The following MAN2A1 variants were observed in gnomAD, a reference collection of about 807,000 sequenced individuals.
MAN2A1 encodes the protein alpha-mannosidase 2.
MAN2A1 carries 76 observed loss-of-function variants against 142.6 expected under a neutral mutation model. The ratio of observed to expected loss-of-function variants is 0.53; its 90% confidence interval spans 0.44 to 0.65. The LOEUF (loss-of-function observed/expected upper bound fraction) is 0.65. MAN2A1 is among the 30% of genes least tolerant of loss of function. The pLI is 0.00. For missense variants in MAN2A1, 1,311 were observed against 1,365.1 expected (o/e 0.96, Z 0.62); for synonymous variants, 559 against 473.2 (o/e 1.18, Z -2.35).
intron 1 of MAN2A1, among the ~76,000 whole-genome samples, chr5:109,696,149 G>A (rs1397378158): frequency 6.6e-6 from 1 of 151,788 alleles, no homozygotes; most frequent in Non-Finnish European, 1.5e-5. Context: ...TTGGCAGACT[G>A]GAGTGCAGTG....
At chr5:109,783,345 T>C (rs985254639) in intron 9 of MAN2A1, among the ~76,000 whole-genome samples, 1 of 152,170 alleles carries the variant, frequency 6.6e-6, no homozygotes, top group Non-Finnish European at 1.5e-5. Flanking sequence ...GTGGATAAAA[T>C]ATAAAAGTAT....
chr5:109,699,149 A>G (rs917255164), intron 1 of MAN2A1, among the ~76,000 whole-genome samples: 12 of 152,190 alleles, frequency 7.9e-5, no homozygotes, highest in Non-Finnish European at 1.6e-4. Context: ...TTAGGCCTAA[A>G]GTGACTCCCC....
At chr5:109,734,055 A>G (rs1366025459) in intron 4 of MAN2A1, among the ~76,000 whole-genome samples, 1 of 152,150 alleles carries the variant, frequency 6.6e-6, no homozygotes, top group African/African-American at 2.4e-5. Context: ...TTATTGGTCT[A>G]TTCAGAGATT....
chr5:109,782,790 G>T (rs115274030), intron 9 of MAN2A1, among the ~76,000 whole-genome samples: 2,309 of 151,898 alleles, frequency 0.015, 23 homozygotes, highest in Non-Finnish European at 0.024. Flanking sequence ...CATTATTATA[G>T]ATACATATTA....
intron 15 of MAN2A1, among the ~76,000 whole-genome samples, chr5:109,821,897 G>A (rs1370879281): frequency 6.6e-6 from 1 of 151,722 alleles, no homozygotes; most frequent in Middle Eastern, 3.2e-3. Context: ...AAATTTTTGT[G>A]TAGTCATTTC....
intron 7 of MAN2A1, among the ~76,000 whole-genome samples, chr5:109,774,508 C>T (rs1447206213): frequency 6.6e-6 from 1 of 151,986 alleles, no homozygotes; most frequent in Non-Finnish European, 1.5e-5. Context: ...CAAGTTGGTA[C>T]ATGACCATAT....
chr5:109,800,436 G>A (rs1205596588), intron 12 of MAN2A1, among the ~76,000 whole-genome samples: 1 of 152,182 alleles, frequency 6.6e-6, no homozygotes, highest in Non-Finnish European at 1.5e-5. Flanking sequence ...CCTACTGCCA[G>A]TAGCATTTGA....
intron 4 of MAN2A1, among the ~76,000 whole-genome samples, chr5:109,742,980 G>A (rs1248408946): frequency 2.6e-5 from 4 of 152,178 alleles, no homozygotes; most frequent in Non-Finnish European, 5.9e-5. Flanking sequence ...ATGGAGACCT[G>A]TAAAAGCCAT....
chr5:109,746,447 A>G (rs1489527984), intron 4 of MAN2A1, among the ~76,000 whole-genome samples: 2 of 152,186 alleles, frequency 1.3e-5, no homozygotes, highest in Admixed American at 6.5e-5. Flanking sequence ...CTCTTTTCAC[A>G]GGAGGTAACT....
chr5:109,757,956 T>A (rs1017691006), intron 5 of MAN2A1, among the ~76,000 whole-genome samples: 2 of 152,156 alleles, frequency 1.3e-5, no homozygotes, highest in South Asian at 4.1e-4. Context: ...GATGGGCACT[T>A]AGGTTGTATT....
At chr5:109,715,883 T>A (rs987335880) in intron 2 of MAN2A1, among the ~76,000 whole-genome samples, 1 of 152,122 alleles carries the variant, frequency 6.6e-6, no homozygotes, top group African/African-American at 2.4e-5. Context: ...CTTTTTTTTT[T>A]ATTAGAAGCG....
At chr5:109,816,545 A>G (rs1754466201) in intron 12 of MAN2A1, among the ~76,000 whole-genome samples, 1 of 152,148 alleles carries the variant, frequency 6.6e-6, no homozygotes, top group African/African-American at 2.4e-5. Flanking sequence ...ATAAAGTCCC[A>G]TTGTATATAA....
intron 5 of MAN2A1, among the ~76,000 whole-genome samples, chr5:109,761,638 T>G (rs142928046): frequency 2.6e-5 from 4 of 152,118 alleles, no homozygotes; most frequent in Admixed American, 1.3e-4. Context: ...TTTTCTTTTT[T>G]AATGTACTAC....
intron 1 of MAN2A1, among the ~76,000 whole-genome samples, chr5:109,695,090 G>C (rs1750776169): frequency 6.6e-6 from 1 of 152,234 alleles, no homozygotes; most frequent in Non-Finnish European, 1.5e-5. Context: ...CTCCTCTTCA[G>C]TCCAACAGCC....
rs1390226601 is a variant in MAN2A1 at position 109,781,506 on chromosome 5, T to C, written c.1485T>C (p.Thr495=). The C allele has an allele frequency of 1.2e-6, 2 of 1,613,340 alleles. No individual in the cohort carries two copies. The highest frequency in any genetic ancestry group is 1.7e-6 in the Non-Finnish European group (2 of 1,179,754). ...MFPVLSGDFF[T]YADRDDHYWS... is the part of the protein sequence containing the mutation. ...CTGTTTTAAGTGGAGATTTTTTCACTTATGCCGATCGAGATGATCATTACT... is the reference window on the plus strand; with the variant it reads ...CTGTTTTAAGTGGAGATTTTTTCACCTATGCCGATCGAGATGATCATTACT... Residue 495 remains threonine, a synonymous_variant, in exon 9 of 22, where the codon ACT becomes ACC. Transcript: ENST00000261483.
At chr5:109,739,888 T>G (rs1289778260) in intron 4 of MAN2A1, among the ~76,000 whole-genome samples, 1 of 152,160 alleles carries the variant, frequency 6.6e-6, no homozygotes, top group African/African-American at 2.4e-5. Flanking sequence ...AGCATATTAT[T>G]TCCCAGGGCT....
chr5:109,850,792 TA>T (rs1755463838), intron 19 of MAN2A1, among the ~76,000 whole-genome samples: 1 of 152,246 alleles, frequency 6.6e-6, no homozygotes, highest in African/African-American at 2.4e-5. Context: ...GTAATTGATT[TA>T]AATTTAATTT....
chr5:109,817,799 A>T (rs1441106251), intron 13 of MAN2A1, among the ~76,000 whole-genome samples: 1 of 152,188 alleles, frequency 6.6e-6, no homozygotes. Flanking sequence ...AATTATGCAT[A>T]TCGAAAGTGA....
chr5:109,825,723 C>T (rs982483676), intron 16 of MAN2A1, among the ~76,000 whole-genome samples: 1 of 151,978 alleles, frequency 6.6e-6, no homozygotes, highest in Non-Finnish European at 1.5e-5. Context: ...TCCTGTTTCC[C>T]TCTGGGCAGT....
Sources: gnomAD v4.1 joint callset for allele counts (sites outside exome capture counted in the v4.1 genomes callset) on GRCh38, gnomAD v4.1.1 for gene constraint, MANE v1.5 for transcripts, NCBI Gene and HGNC (gene_info 2026-07-23, HGNC 2026-07-21) for gene names.